The following CCL26 variants were observed in gnomAD, a reference collection of about 807,000 sequenced individuals.
The protein encoded by CCL26 is C-C motif chemokine 26.
A neutral mutation model predicts 10.7 loss-of-function variants in CCL26; 10 were observed. That is an observed-to-expected ratio of 0.93 (90% confidence interval 0.57 to 1.58). CCL26 has a LOEUF of 1.58. Among genes scored for constraint, CCL26 ranks in the 40% most tolerant of loss-of-function variants. The pLI is 0.00. For synonymous variants in CCL26, 43 were observed against 41.4 expected (o/e 1.04, Z -0.15); for missense variants, 116 against 111.0 (o/e 1.05, Z -0.20).
At chr7:75,769,944 C>G (rs1300494914) in intron 2 of CCL26, among the ~76,000 whole-genome samples, 155 bp from the exon 3 acceptor site, 2 of 152,030 alleles carry the variant, frequency 1.3e-5, no homozygotes, top group Non-Finnish European at 2.9e-5. Flanking sequence ...TGGGCCTTGT[C>G]TCCCTCCTCT....
chr7:75,777,620 A>G lies in CCL26; in HGVS notation c.-78-5366T>C, dbSNP rs1219812412. ...CAAAATTATCTGAGTTTGGTGGTACATGCCTTTGGTCCCAGCTGCTTGGGA... is the reference window on the plus strand; with the variant it reads ...CAAAATTATCTGAGTTTGGTGGTACGTGCCTTTGGTCCCAGCTGCTTGGGA... On this transcript the variant is annotated intron_variant, in intron 1 of 3. Transcript: ENST00000394905. Among the ~76,000 whole-genome samples, 4 of 146,814 alleles carry G rather than the reference A, an allele frequency of 2.7e-5. No homozygotes were observed. The East Asian group carries it at 6.4e-4, about 23-fold the overall frequency.
chr7:75,787,423 T>A (rs942405364), intron 1 of CCL26, among the ~76,000 whole-genome samples: 1 of 151,794 alleles, frequency 6.6e-6, no homozygotes, highest in African/African-American at 2.4e-5. Context: ...GGCGGGCAGA[T>A]CACAAGGTCA....
At chr7:75,791,319 T>G (rs1281846423), upstream of CCL26, among the ~76,000 whole-genome samples, 2 of 152,116 alleles carry the variant, frequency 1.3e-5, no homozygotes, top group East Asian at 3.9e-4. Flanking sequence ...CCACCACGCC[T>G]GGCTGAAACT....
intron 2 of CCL26, among the ~76,000 whole-genome samples, chr7:75,770,483 G>C (rs1802798704): frequency 6.6e-6 from 1 of 151,732 alleles, no homozygotes; most frequent in Non-Finnish European, 1.5e-5. Flanking sequence ...CCAGGTTCAA[G>C]TGATTCTTCC....
chr7:75,772,206 T>TG lies in CCL26; in HGVS notation c.-31_-30insC, dbSNP rs1802839577. ...CTGCAAATCAGGCCCTTCTCAGGTT[T>TG]CTCCCAAACTCCTCCTGCCTGATCC... On this transcript the variant is annotated 5_prime_UTR_variant, in exon 1 of 3. Transcript: ENST00000005180. 1 of 1,496,302 alleles carries TG rather than the reference T, an allele frequency of 6.7e-7. No homozygotes were observed. The highest frequency in any genetic ancestry group is 2.0e-5 in the Admixed American group (1 of 50,816). The allele number at this position is 1,496,302 out of a possible 1,614,324, so 92.7% of individuals were successfully genotyped here. A position where few individuals can be genotyped will look rare whatever the true frequency, so the allele number is the denominator to read the frequency against.
At chr7:75,779,286 C>T (rs1281791761) in intron 1 of CCL26, among the ~76,000 whole-genome samples, 5 of 152,150 alleles carry the variant, frequency 3.3e-5, no homozygotes, top group Admixed American at 6.5e-5. Flanking sequence ...GTTTGGTGGT[C>T]GCTTCACACG....
At chr7:75,791,354 C>T (rs138627244), upstream of CCL26, among the ~76,000 whole-genome samples, 478 of 152,124 alleles carry the variant, frequency 3.1e-3, 4 homozygotes, top group Middle Eastern at 0.01. Flanking sequence ...GTGTCCGAGG[C>T]CCCCTCAGTC....
Position 75,770,075 on chromosome 7 carries a change from T to A in CCL26, c.189-286A>T, listed in dbSNP as rs985388604. On this transcript the variant is annotated intron_variant, in intron 2 of 2. Coordinates refer to ENST00000005180, the MANE Select transcript of CCL26 (RefSeq NM_001371938.1). ...ACCTGCACCAGGACACTTAATTTTT[T>A]TTTTTTTTTTTTGAGACGAACTCTC... 8.7e-4 allele frequency among the ~76,000 whole-genome samples: 70 copies of A among 80,426 alleles called. 1 individual carries two copies. Among genetic ancestry groups the A allele is most frequent in the South Asian group, 1.3e-3 (4 of 3,012 alleles). The allele number at this position is 80,426 out of a possible 152,430, so 52.8% of individuals were successfully genotyped here. A position where few individuals can be genotyped will look rare whatever the true frequency, so the allele number is the denominator to read the frequency against.
chr7:75,785,713 ACCCTATCG>A (rs780034540), intron 1 of CCL26, among the ~76,000 whole-genome samples: 1,931 of 152,180 alleles, frequency 0.013, 27 homozygotes, highest in Middle Eastern at 0.02. Flanking sequence ...AACCTAGCTG[ACCCTATCG>A]ATCCTAAATC....
At chr7:75,778,600 G>C (rs1802992103) in intron 1 of CCL26, among the ~76,000 whole-genome samples, 1 of 149,778 alleles carries the variant, frequency 6.7e-6, no homozygotes, top group Admixed American at 6.7e-5. Context: ...GTATGTCTTT[G>C]AGAAATGTCT....
At chr7:75,772,301 C>T (rs1802841909), upstream of CCL26, 1 of 666,930 alleles carries the variant, frequency 1.5e-6, no homozygotes, top group African/African-American at 1.8e-5. Context: ...AGAAGCAGCA[C>T]TTTTGACCCA....
At chr7:75,782,587 C>T (rs1585014312) in intron 1 of CCL26, among the ~76,000 whole-genome samples, 1 of 152,152 alleles carries the variant, frequency 6.6e-6, no homozygotes, top group East Asian at 1.9e-4. Flanking sequence ...ACCTCTTCAA[C>T]TCTCACCTGA....
chr7:75,789,770 T>C (rs1182974156), exon 1 of CCL26: 2 of 152,116 alleles, frequency 1.3e-5, no homozygotes, highest in African/African-American at 4.8e-5. Flanking sequence ...CCTCCAGAGC[T>C]TGCTAGTGCT....
At chr7:75,780,282 C>T (rs151269718) in intron 1 of CCL26, among the ~76,000 whole-genome samples, 2,599 of 152,168 alleles carry the variant, frequency 0.017, 38 homozygotes, top group Non-Finnish European at 0.023. Context: ...TCTTTTCTCT[C>T]CACTTTCCTG....
At chr7:75,788,704 C>T (rs1048260569) in intron 1 of CCL26, among the ~76,000 whole-genome samples, 11 of 144,638 alleles carry the variant, frequency 7.6e-5, no homozygotes, top group African/African-American at 1.3e-4. Flanking sequence ...CTAGTCTGGG[C>T]GACAGAGCAA....
rs1482346661 is a variant in CCL26 at position 75,770,816 on chromosome 7, C to G, written c.189-1027G>C. ...TCAGCCTCCGGAGTAACTGGGCTTA[C>G]AGGCCTGCGCCACCTCACCTGGCTG... On this transcript the variant is annotated intron_variant, in intron 2 of 2. Transcript: ENST00000005180. Among the ~76,000 whole-genome samples the G allele has an allele frequency of 3.9e-5, 6 of 152,068 alleles. No individual in the cohort carries two copies. The East Asian group carries it at 9.7e-4, about 25-fold the overall frequency.
intron 1 of CCL26, among the ~76,000 whole-genome samples, chr7:75,789,150 G>A (rs1209968040): frequency 2.5e-5 from 3 of 118,806 alleles, no homozygotes; most frequent in Non-Finnish European, 5.1e-5. Flanking sequence ...TCTCTGTGTT[G>A]CCCAGGCTGG....
At chr7:75,783,766 A>G (rs1330273578) in intron 1 of CCL26, among the ~76,000 whole-genome samples, 2 of 150,038 alleles carry the variant, frequency 1.3e-5, no homozygotes, top group Non-Finnish European at 3.0e-5. Context: ...CAGCCTGGGC[A>G]ACAGAGCGAG....
At chr7:75,781,695 C>A (rs1184880188) in intron 1 of CCL26, among the ~76,000 whole-genome samples, 2 of 152,182 alleles carry the variant, frequency 1.3e-5, no homozygotes, top group Admixed American at 6.6e-5. Flanking sequence ...TTTCCTGGCT[C>A]ATCCTGGCTC....
Sources: allele counts gnomAD v4.1 joint callset (sites outside exome capture counted in the v4.1 genomes callset), GRCh38; gene constraint gnomAD v4.1.1; transcripts MANE v1.5; gene names NCBI Gene and HGNC (gene_info 2026-07-23, HGNC 2026-07-21).